The following SAG variants were observed in gnomAD, a reference collection of about 807,000 sequenced individuals.
The protein encoded by SAG is S-arrestin.
A neutral mutation model predicts 55.0 loss-of-function variants in SAG; 45 were observed. That is an observed-to-expected ratio of 0.82 (90% CI 0.64 to 1.05). The LOEUF is 1.05. Ranked by LOEUF, SAG falls within the 50% of genes least tolerant of loss-of-function variation. The probability of loss-of-function intolerance (pLI) is 0.00; values close to 1 mark genes in which losing one functional copy is unlikely to be tolerated. For synonymous variants in SAG, 189 were observed against 197.4 expected (o/e 0.96, Z 0.36); for missense variants, 455 against 512.1 (o/e 0.89, Z 1.08).
rs1699987326 is a variant in SAG, at chr2:233,307,863, A to T, written c.-188A>T. 1 of 152,424 alleles carries T rather than the reference A, an allele frequency of 6.6e-6. No homozygotes were observed. The highest frequency in any genetic ancestry group is 1.5e-5 in the Non-Finnish European group (1 of 68,090). The allele number at this position is 152,424 out of a possible 1,614,324, so 9.4% of individuals were successfully genotyped here. A position where few individuals can be genotyped will look rare whatever the true frequency, so the allele number is the denominator to read the frequency against. ...TCGCTAGATCCCCTACAAATTCCCC[A>T]CATACGTAGGCCAGGAGCCTCAGCG... On this transcript the variant is annotated 5_prime_UTR_variant, in exon 1 of 16. Transcript: ENST00000409110.
chr2:233,313,659 C>T (rs1397014039), intron 2 of SAG, among the ~76,000 whole-genome samples: 1 of 151,324 alleles, frequency 6.6e-6, no homozygotes, highest in Admixed American at 6.6e-5. Flanking sequence ...GATCCTCCTT[C>T]CTCAGCTTCC....
At chr2:233,328,444 C>T (rs776869059) in intron 7 of SAG, 34 bp from the exon 8 acceptor site, 8 of 1,603,174 alleles carry the variant, frequency 5.0e-6, no homozygotes, top group Non-Finnish European at 6.8e-6. Context: ...GCCTGGGTGC[C>T]AATCCCTGGC....
rs540788674 is a variant in SAG at position 233,319,984 on chromosome 2, C to T, written c.182-646C>T. ...TGTCTTTTTTAGAAGGTGTAGTGAA[C>T]TTCATACAATTCTTCTGGTCTACTG... On this transcript the variant is annotated intron_variant, in intron 4 of 15. Coordinates refer to ENST00000409110, the MANE Select transcript of SAG (RefSeq NM_000541.5). This position sits in a 1 kb window ranked among gnomAD's most constrained non-coding sequence, Gnocchi z 4.4. 2.1e-4 allele frequency: 210 copies of T among 985,434 alleles called. No homozygotes were observed. The highest frequency in any genetic ancestry group is 2.4e-4 in the Non-Finnish European group (198 of 829,920). 61.0% of individuals were successfully genotyped at this position (985,434 alleles called of 1,614,324 possible). A position where few individuals can be genotyped will look rare whatever the true frequency, so the allele number is the denominator to read the frequency against.
At chr2:233,313,025 G>C (rs548290342) in intron 2 of SAG, among the ~76,000 whole-genome samples, 28 of 152,276 alleles carry the variant, frequency 1.8e-4, no homozygotes, top group African/African-American at 6.7e-4. Flanking sequence ...ACCGTGTGTG[G>C]GATAGATGAA....
chr2:233,318,649 A>G (rs1470862724), intron 3 of SAG, 102 bp from the exon 4 acceptor site: 4 of 990,456 alleles, frequency 4.0e-6, no homozygotes, highest in Admixed American at 1.9e-5. Context: ...TATAATGAAC[A>G]TGGATTACAT....
chr2:233,310,054 A>G (rs1458683078), intron 2 of SAG, among the ~76,000 whole-genome samples: 2 of 152,136 alleles, frequency 1.3e-5, no homozygotes, highest in Admixed American at 1.3e-4. Flanking sequence ...GGGCCATTGG[A>G]TAAGGGAAAA....
intron 14 of SAG, chr2:233,343,651 A>C: frequency 7.1e-6 from 9 of 1,262,390 alleles, no homozygotes; most frequent in Non-Finnish European, 9.2e-6. Flanking sequence ...AGCAAAAATA[A>C]TATAGGTGAA....
At chr2:233,332,663 A>ATTTT (rs10642996) in intron 10 of SAG, 54,121 of 136,812 alleles carry the variant, frequency 0.4, 11,824 homozygotes, top group South Asian at 0.53. Context: ...CTAATTTTGT[A>ATTTT]TTTTTTTTTT....
chr2:233,340,521 T>A lies in SAG; in HGVS notation c.1046+43T>A. 6.4e-7 allele frequency: 1 copy of A among 1,553,714 alleles called. No individual in the cohort carries two copies. Among genetic ancestry groups the A allele is most frequent in the Non-Finnish European group, 8.8e-7 (1 of 1,131,456 alleles). ...CCTTGTTTGATTGTTTCTCAAGATATCAAAGGCAGCAAACTTGGGGCTCCA... is the reference window on the plus strand; with the variant it reads ...CCTTGTTTGATTGTTTCTCAAGATAACAAAGGCAGCAAACTTGGGGCTCCA... On this transcript the variant is annotated intron_variant, in intron 13 of 15. Transcript: ENST00000409110. This position sits in a 1 kb window ranked among gnomAD's most constrained non-coding sequence, Gnocchi z 4.2.
At chr2:233,318,986 C>T in intron 4 of SAG, 191 bp downstream of exon 4, 1 of 718,156 alleles carries the variant, frequency 1.4e-6, no homozygotes, top group Non-Finnish European at 2.6e-6. Flanking sequence ...GTCCTGTTGA[C>T]ACCAGAGCTC....
chr2:233,346,614 G>A (rs186822275), intron 15 of SAG, among the ~76,000 whole-genome samples, 193 bp from the exon 16 acceptor site: 2 of 152,324 alleles, frequency 1.3e-5, no homozygotes, highest in African/African-American at 2.4e-5. Context: ...CACTCTGCGC[G>A]TGCCTTTGTT....
intron 4 of SAG, among the ~76,000 whole-genome samples, chr2:233,320,373 A>G (rs530841940): frequency 5.9e-5 from 9 of 152,316 alleles, no homozygotes; most frequent in Admixed American, 5.2e-4. Context: ...CTCTGTCTTC[A>G]GATTTCTACC....
At chr2:233,343,849 G>A in intron 14 of SAG, 1 of 747,810 alleles carries the variant, frequency 1.3e-6, no homozygotes, top group Non-Finnish European at 1.7e-6. Flanking sequence ...TATTGGTAGT[G>A]AAATGCCGTT....
At chr2:233,322,477 C>T (rs1700419458) in intron 5 of SAG, among the ~76,000 whole-genome samples, 1 of 152,146 alleles carries the variant, frequency 6.6e-6, no homozygotes, top group Admixed American at 6.5e-5. Flanking sequence ...CACTTTGTCC[C>T]ATTTCTGTAA....
intron 3 of SAG, among the ~76,000 whole-genome samples, chr2:233,317,969 GA>G (rs1381350584): frequency 6.6e-6 from 1 of 151,966 alleles, no homozygotes; most frequent in Non-Finnish European, 1.5e-5. Context: ...TATATGTCTG[GA>G]AAAAAATTTT....
intron 10 of SAG, 155 bp from the exon 11 acceptor site, chr2:233,334,807 T>C (rs1700870304): frequency 1.3e-6 from 1 of 770,046 alleles, no homozygotes; most frequent in Non-Finnish European, 2.2e-6. Flanking sequence ...ACTGTTCTGC[T>C]TCTCGTAAGT....
intron 8 of SAG, chr2:233,328,895 C>G: frequency 2.6e-6 from 1 of 388,090 alleles, no homozygotes; most frequent in South Asian, 5.4e-5. Flanking sequence ...ACCTGCCCCC[C>G]AGCTGTCCTT....
intron 3 of SAG, among the ~76,000 whole-genome samples, chr2:233,318,079 TC>T (rs1017769894): frequency 6.6e-5 from 10 of 151,940 alleles, no homozygotes; most frequent in Non-Finnish European, 1.2e-4. Context: ...GTTTAGGAAT[TC>T]CCCCTACCTC....
chr2:233,322,543 A>G (rs956045441), intron 5 of SAG, among the ~76,000 whole-genome samples: 1 of 152,178 alleles, frequency 6.6e-6, no homozygotes, highest in Non-Finnish European at 1.5e-5. Context: ...GCTCACACCT[A>G]TAATCCCAGC....
Sources: allele counts gnomAD v4.1 joint callset (sites outside exome capture counted in the v4.1 genomes callset), GRCh38; gene constraint gnomAD v4.1.1; non-coding constraint Gnocchi (gnomAD v3.1); transcripts MANE v1.5; gene names NCBI Gene and HGNC (gene_info 2026-07-23, HGNC 2026-07-21).